SND1: variants seen among roughly 807,000 people sequenced by gnomAD.
The protein encoded by SND1 is staphylococcal nuclease domain-containing protein 1.
A neutral mutation model predicts 121.7 loss-of-function variants in SND1; 38 were observed. That is an observed-to-expected ratio of 0.31 (90% confidence interval 0.24 to 0.41). SND1 has a LOEUF of 0.41. Ranked by LOEUF, SND1 falls within the 10% of genes least tolerant of loss-of-function variation. SND1 has a pLI of 1.00. For synonymous variants in SND1, 401 were observed against 447.4 expected (o/e 0.90, Z 1.31); for missense variants, 868 against 1,184.6 (o/e 0.73, Z 3.92).
At chr7:127,793,191 A>T (rs539442842) in intron 10 of SND1, among the ~76,000 whole-genome samples, 3 of 152,202 alleles carry the variant, frequency 2.0e-5, no homozygotes, top group Non-Finnish European at 1.5e-5. Flanking sequence ...GTGAAAAGCC[A>T]GTGGGTAATC....
intron 10 of SND1, among the ~76,000 whole-genome samples, chr7:127,735,872 C>T (rs952699397): frequency 2.0e-5 from 3 of 152,156 alleles, no homozygotes; most frequent in African/African-American, 2.4e-5. Flanking sequence ...GGTGATCCCC[C>T]GCCCGCCCCA....
intron 1 of SND1, among the ~76,000 whole-genome samples, chr7:127,658,847 A>G (rs1795257296): frequency 6.6e-6 from 1 of 152,250 alleles, no homozygotes; most frequent in African/African-American, 2.4e-5. Context: ...TTGTAGGTTT[A>G]GCAGAGAAAA....
chr7:128,079,911 T>A (rs1484419621), intron 17 of SND1, among the ~76,000 whole-genome samples: 1 of 152,194 alleles, frequency 6.6e-6, no homozygotes, highest in Admixed American at 6.5e-5. Flanking sequence ...TTCTCAGGGA[T>A]ACCTAGTCAA....
chr7:127,851,365 T>G (rs1018708207), intron 12 of SND1, among the ~76,000 whole-genome samples: 1 of 151,490 alleles, frequency 6.6e-6, no homozygotes, highest in Non-Finnish European at 1.5e-5. Flanking sequence ...CAAATCTGTT[T>G]ATGTTGTAAC....
chr7:127,895,823 A>G (rs17675599), intron 13 of SND1, among the ~76,000 whole-genome samples: 2,193 of 152,064 alleles, frequency 0.014, 37 homozygotes, highest in Non-Finnish European at 0.019. Flanking sequence ...TCCATTTCCA[A>G]ATAGTTTTCT....
chr7:127,941,801 ACT>A (rs34884857), intron 15 of SND1, among the ~76,000 whole-genome samples: 33,598 of 150,882 alleles, frequency 0.22, 4,194 homozygotes, highest in Middle Eastern at 0.33. Context: ...TGCAGAAATA[ACT>A]CTTCTAAGGC....
intron 10 of SND1, among the ~76,000 whole-genome samples, chr7:127,754,987 G>T (rs995864508): frequency 6.6e-6 from 1 of 152,130 alleles, no homozygotes; most frequent in African/African-American, 2.4e-5. Context: ...ATTACTTTGG[G>T]TCTGTGGATT....
intron 10 of SND1, among the ~76,000 whole-genome samples, chr7:127,777,728 A>AG (rs1797646932): frequency 6.6e-6 from 1 of 152,174 alleles, no homozygotes; most frequent in Non-Finnish European, 1.5e-5. Flanking sequence ...TTGATTGAGA[A>AG]GGGGGTCTCC....
chr7:127,894,835 T>G (rs1275220295), intron 13 of SND1, among the ~76,000 whole-genome samples: 6 of 151,528 alleles, frequency 4.0e-5, no homozygotes, highest in Non-Finnish European at 7.4e-5. Context: ...CTTTTAAGTG[T>G]ATCCTGGCTT....
At chr7:127,901,324 C>T (rs977501457) in intron 13 of SND1, among the ~76,000 whole-genome samples, 1 of 152,118 alleles carries the variant, frequency 6.6e-6, no homozygotes, top group Admixed American at 6.6e-5. Flanking sequence ...GCAGGCCTCC[C>T]CTCTTGGAAT....
At chr7:127,668,119 G>C (rs1795452525) in intron 1 of SND1, among the ~76,000 whole-genome samples, 1 of 152,194 alleles carries the variant, frequency 6.6e-6, no homozygotes, top group Admixed American at 6.5e-5. Context: ...GTAGTCACCT[G>C]AGAACTTGTT....
chr7:127,832,743 G>A (rs773735661), intron 11 of SND1, among the ~76,000 whole-genome samples: 22 of 152,204 alleles, frequency 1.4e-4, no homozygotes, highest in African/African-American at 2.4e-4. Flanking sequence ...CCCGGACTGC[G>A]GACCGGTACT....
chr7:127,719,563 G>A (rs80195441), intron 9 of SND1, among the ~76,000 whole-genome samples: 7 of 152,276 alleles, frequency 4.6e-5, no homozygotes, highest in African/African-American at 1.2e-4. Context: ...CTGGGTTTTA[G>A]TGTTTAGCCT....
At chr7:127,866,049 C>T (rs1799468640) in intron 12 of SND1, among the ~76,000 whole-genome samples, 2 of 152,080 alleles carry the variant, frequency 1.3e-5, no homozygotes, top group African/African-American at 4.8e-5. Flanking sequence ...CAAGAATCAC[C>T]TGTGTAGTTT....
intron 10 of SND1, among the ~76,000 whole-genome samples, chr7:127,791,911 C>T (rs1797916202): frequency 6.6e-6 from 1 of 152,210 alleles, no homozygotes; most frequent in Non-Finnish European, 1.5e-5. Flanking sequence ...CCATTTCTAT[C>T]ATGATTGCAA....
At chr7:127,713,248 C>G (rs1210599612) in intron 9 of SND1, among the ~76,000 whole-genome samples, 2 of 152,232 alleles carry the variant, frequency 1.3e-5, no homozygotes, top group Non-Finnish European at 2.9e-5. Context: ...ATGAAGTGGG[C>G]TGGATGGCCC....
chr7:127,926,738 G>A (rs1800849012), intron 14 of SND1, among the ~76,000 whole-genome samples: 1 of 147,916 alleles, frequency 6.8e-6, no homozygotes. Flanking sequence ...TGTTGTTGTT[G>A]TTGTTGTTGT....
At chr7:127,832,048 A>G (rs953697718) in intron 11 of SND1, among the ~76,000 whole-genome samples, 23 of 152,212 alleles carry the variant, frequency 1.5e-4, no homozygotes, top group Admixed American at 4.6e-4. Flanking sequence ...ATCTTTCCAT[A>G]GCAGAATGTG....
At chr7:127,876,676 A>G (rs1799697351) in intron 12 of SND1, among the ~76,000 whole-genome samples, 1 of 152,174 alleles carries the variant, frequency 6.6e-6, no homozygotes, top group Admixed American at 6.6e-5. Flanking sequence ...CAGTGAGTGG[A>G]CCAGTTTAGT....
Sources: gnomAD v4.1 joint callset for allele counts (sites outside exome capture counted in the v4.1 genomes callset) on GRCh38, gnomAD v4.1.1 for gene constraint, MANE v1.5 for transcripts, NCBI Gene and HGNC (gene_info 2026-07-23, HGNC 2026-07-21) for gene names.